MAPKAP1: variants seen among roughly 807,000 people sequenced by gnomAD.
MAPKAP1 encodes the protein target of rapamycin complex 2 subunit MAPKAP1.
A neutral mutation model predicts 65.7 loss-of-function variants in MAPKAP1; 20 were observed. That is an observed-to-expected ratio of 0.30 (90% CI 0.21 to 0.44). MAPKAP1 has a LOEUF of 0.44. Ranked by LOEUF, MAPKAP1 falls within the 20% of genes least tolerant of loss-of-function variation. The pLI, the probability that MAPKAP1 is intolerant of heterozygous loss-of-function variation, is 1.00. For missense variants in MAPKAP1, 423 were observed against 648.0 expected (o/e 0.65, Z 3.77); for synonymous variants, 222 against 244.3 (o/e 0.91, Z 0.85).
chr9:125,656,471 G>C (rs994195532), intron 4 of MAPKAP1, among the ~76,000 whole-genome samples: 3 of 152,106 alleles, frequency 2.0e-5, no homozygotes, highest in Non-Finnish European at 4.4e-5. Context: ...TTTGTTTCTA[G>C]TTTTTGCTCT....
At chr9:125,587,700 C>T (rs1387427650) in intron 4 of MAPKAP1, among the ~76,000 whole-genome samples, 4 of 151,950 alleles carry the variant, frequency 2.6e-5, no homozygotes, top group Non-Finnish European at 4.4e-5. Flanking sequence ...ATCTAGAATA[C>T]GTTAAGAAGT....
chr9:125,463,857 A>C (rs1454715765), intron 10 of MAPKAP1, among the ~76,000 whole-genome samples: 1 of 152,186 alleles, frequency 6.6e-6, no homozygotes, highest in Non-Finnish European at 1.5e-5. Context: ...TTAAGGTTTA[A>C]ATCTGATTTC....
chr9:125,449,886 A>G (rs542056754), intron 10 of MAPKAP1, among the ~76,000 whole-genome samples: 25 of 152,286 alleles, frequency 1.6e-4, no homozygotes, highest in Admixed American at 1.2e-3. Flanking sequence ...TTCCACTGCA[A>G]ATCAACTGAA....
At chr9:125,538,426 G>T (rs112513022) in intron 7 of MAPKAP1, among the ~76,000 whole-genome samples, 2,139 of 152,304 alleles carry the variant, frequency 0.014, 18 homozygotes, top group South Asian at 0.038. Flanking sequence ...AAAAATTCAA[G>T]ACTGACAGCT....
rs984782997 is a variant in MAPKAP1 at position 125,675,086 on chromosome 9, A to C, written c.-69-2443T>G. ...ATTTATAAATGAGAGTATTTGTGGA[A>C]GCATAGTATCACAGATCAGAGCTGC... On this transcript the variant is annotated intron_variant, in intron 1 of 11. Coordinates refer to ENST00000265960, the MANE Select transcript of MAPKAP1 (RefSeq NM_001006617.3). 3.3e-5 allele frequency among the ~76,000 whole-genome samples: 5 copies of C among 152,312 alleles called. No individual in the cohort carries two copies. In the East Asian group the frequency reaches 9.6e-4, roughly 29 times the overall value.
chr9:125,453,470 T>A (rs1286225904), intron 10 of MAPKAP1, among the ~76,000 whole-genome samples: 1 of 152,260 alleles, frequency 6.6e-6, no homozygotes. Flanking sequence ...TTGGTTAAAG[T>A]AAATGAAGAA....
At chr9:125,518,705 G>T (rs1829534455) in intron 7 of MAPKAP1, among the ~76,000 whole-genome samples, 1 of 152,090 alleles carries the variant, frequency 6.6e-6, no homozygotes, top group Non-Finnish European at 1.5e-5. Context: ...GACATGGGAA[G>T]AATTCTATGA....
At chr9:125,620,166 G>A (rs1417713520) in intron 4 of MAPKAP1, among the ~76,000 whole-genome samples, 1 of 152,140 alleles carries the variant, frequency 6.6e-6, no homozygotes, top group Non-Finnish European at 1.5e-5. Context: ...AAAATTATCT[G>A]GGTGTGGTGG....
Position 125,595,979 on chromosome 9 carries a change from A to G in MAPKAP1, c.499-10252T>C, listed in dbSNP as rs1589324198. 1.3e-6 allele frequency: 2 copies of G among 1,523,062 alleles called. No homozygotes were observed. Among genetic ancestry groups the G allele is most frequent in the East Asian group, 2.2e-5 (1 of 44,504 alleles). The allele number at this position is 1,523,062 out of a possible 1,614,324, so 94.3% of individuals were successfully genotyped here. On this transcript the variant is annotated intron_variant, in intron 4 of 11. Coordinates refer to ENST00000265960, the MANE Select transcript of MAPKAP1 (RefSeq NM_001006617.3). The surrounding 1 kb of genome is among the most constrained non-coding windows in gnomAD (Gnocchi z 4.0). ...GACCAGGTGCCCACTTAACTGTGAA[A>G]AAGATATTTGTTGGTGGCATTAAAG...
chr9:125,533,301 A>G (rs796945340), intron 7 of MAPKAP1, among the ~76,000 whole-genome samples: 6 of 152,186 alleles, frequency 3.9e-5, no homozygotes, highest in Non-Finnish European at 7.3e-5. Flanking sequence ...AAACGACACT[A>G]AAGACCCAGA....
chr9:125,624,270 G>A (rs1408239885), intron 4 of MAPKAP1, among the ~76,000 whole-genome samples: 2 of 18,216 alleles, frequency 1.1e-4, no homozygotes, highest in Non-Finnish European at 3.4e-4. Context: ...GCCTCTGCCC[G>A]GCCGCCCCTA....
intron 3 of MAPKAP1, among the ~76,000 whole-genome samples, chr9:125,659,544 G>A (rs570689127): frequency 4.6e-5 from 7 of 151,878 alleles, no homozygotes; most frequent in Non-Finnish European, 7.4e-5. Flanking sequence ...CTACTAGCGA[G>A]GATGAACTCC....
chr9:125,556,823 A>G (rs1400915093), intron 6 of MAPKAP1, among the ~76,000 whole-genome samples: 1 of 152,238 alleles, frequency 6.6e-6, no homozygotes, highest in African/African-American at 2.4e-5. Context: ...TATAGACCAG[A>G]AAGGCGAGTA....
intron 5 of MAPKAP1, among the ~76,000 whole-genome samples, chr9:125,563,108 C>T (rs1830940928): frequency 2.0e-5 from 3 of 152,194 alleles, no homozygotes; most frequent in African/African-American, 7.2e-5. Flanking sequence ...CTCATGATCA[C>T]CCAATTAAAC....
chr9:125,465,528 G>A (rs1282159093), intron 10 of MAPKAP1, among the ~76,000 whole-genome samples: 4 of 152,186 alleles, frequency 2.6e-5, no homozygotes, highest in Admixed American at 6.5e-5. Flanking sequence ...ACATCAAGCC[G>A]ATTCATTTAA....
chr9:125,590,886 G>A (rs954827224), intron 4 of MAPKAP1, among the ~76,000 whole-genome samples: 3 of 151,906 alleles, frequency 2.0e-5, no homozygotes, highest in African/African-American at 7.3e-5. Flanking sequence ...CAATTCTTGG[G>A]CCTCAGCCAC....
chr9:125,569,765 A>G (rs1296843539), intron 5 of MAPKAP1, among the ~76,000 whole-genome samples: 1 of 152,214 alleles, frequency 6.6e-6, no homozygotes, highest in Non-Finnish European at 1.5e-5. Flanking sequence ...AAATCTTACA[A>G]CTACTGTAGT....
intron 1 of MAPKAP1, among the ~76,000 whole-genome samples, chr9:125,704,029 T>A (rs891456838): frequency 2.6e-5 from 4 of 152,202 alleles, no homozygotes; most frequent in Admixed American, 6.5e-5. Context: ...GCTCCTTTAG[T>A]GCAAAGGCCA....
Position 125,468,119 on chromosome 9 carries a change from A to C in MAPKAP1, c.1208-10T>G, listed in dbSNP as rs377253122. On this transcript the variant is annotated splice_polypyrimidine_tract_variant and intron_variant, in intron 9 of 11. Transcript: ENST00000265960. ...TTGTCTCCAGAGATACCTGTAAGCC[A>C]AGGTGAGGACACAAAAGAAAACACA... 2,897 of 1,613,670 alleles carry C rather than the reference A, an allele frequency of 1.8e-3. 75 individuals carry two copies. In the South Asian group the frequency reaches 0.03, roughly 17 times the overall value.
Sources: allele counts gnomAD v4.1 joint callset (sites outside exome capture counted in the v4.1 genomes callset), GRCh38; gene constraint gnomAD v4.1.1; non-coding constraint Gnocchi (gnomAD v3.1); transcripts MANE v1.5; gene names NCBI Gene and HGNC (gene_info 2026-07-23, HGNC 2026-07-21).